LMTK2: variants seen among roughly 807,000 people sequenced by gnomAD.
LMTK2 encodes the protein lemur tail kinase 2, also known as serine/threonine-protein kinase LMTK2.
A neutral mutation model predicts 127.5 loss-of-function variants in LMTK2; 37 were observed. The ratio of observed to expected loss-of-function variants is 0.29; its 90% CI spans 0.22 to 0.38. The LOEUF (loss-of-function observed/expected upper bound fraction) is 0.38. Ranked by LOEUF, LMTK2 falls within the 10% of genes least tolerant of loss-of-function variation. The pLI is 1.00. For synonymous variants in LMTK2, 819 were observed against 810.1 expected, an observed-to-expected ratio of 1.01 and a Z score of -0.19; for missense variants, 1,694 against 1,920.3, an observed-to-expected ratio of 0.88 and a Z score of 2.20.
At chr7:98,123,406 A>C (rs190335934) in intron 1 of LMTK2, among the ~76,000 whole-genome samples, 2 of 152,166 alleles carry the variant, frequency 1.3e-5, no homozygotes, top group East Asian at 3.9e-4. Flanking sequence ...TGAACACATC[A>C]TTAATCCGTC....
rs138579298 is a variant in LMTK2 at position 98,191,404 on chromosome 7, T to C, written c.1149-210T>C. ...CCGTCTGTACTAAAAATACAAAAAT[T>C]AGCTGGGCGCGGCAGCGGGCGCCTG... On this transcript the variant is annotated intron_variant, in intron 10 of 13. Coordinates refer to ENST00000297293, the MANE Select transcript of LMTK2 (RefSeq NM_014916.4). 5.2e-3 allele frequency among the ~76,000 whole-genome samples: 784 copies of C among 152,156 alleles called. 2 individuals carry two copies. The highest frequency in any genetic ancestry group is 8.5e-3 in the Non-Finnish European group (577 of 67,986).
chr7:98,160,981 A>T (rs568203266), intron 6 of LMTK2, among the ~76,000 whole-genome samples: 12 of 152,284 alleles, frequency 7.9e-5, no homozygotes, highest in African/African-American at 2.9e-4. Flanking sequence ...TCTGGTTTAC[A>T]CCTCTTGTAA....
At chr7:98,122,280 G>A (rs567108993) in intron 1 of LMTK2, among the ~76,000 whole-genome samples, 21 of 151,914 alleles carry the variant, frequency 1.4e-4, no homozygotes, top group Admixed American at 7.9e-4. Context: ...ATTGCATGTC[G>A]TGGGGATTTG....
chr7:98,194,095 C>T lies in LMTK2; in HGVS notation c.3630C>T (p.Ser1210=), dbSNP rs1797585747. The T allele has an allele frequency of 1.2e-6, 2 of 1,613,990 alleles. No homozygotes were observed. Among genetic ancestry groups the T allele is most frequent in the African/African-American group, 1.3e-5 (1 of 74,940 alleles). The change falls in exon 11 of 14, where the codon AGC becomes AGT. Residue 1210 remains serine, a synonymous_variant. Coordinates refer to ENST00000297293, the MANE Select transcript of LMTK2 (RefSeq NM_014916.4). This position sits in a 1 kb window ranked among gnomAD's most constrained non-coding sequence, Gnocchi z 5.4. ...SPWSVLNAEL[S]SGDDFETQDD... ...GGAGTGTGCTGAATGCAGAACTTAG[C>T]AGCGGCGATGACTTCGAGACACAGG...
chr7:98,206,730 G>T lies in LMTK2; in HGVS notation c.*1238G>T, dbSNP rs1055856668. On this transcript the variant is annotated 3_prime_UTR_variant, in exon 14 of 14. Transcript: ENST00000297293. ...GAGCTTTAAAAAAACCTCCACAGCC[G>T]AATCTTCTCCTCCGAGCCACTCCAC... 1 of 152,362 alleles carries T rather than the reference G, an allele frequency of 6.6e-6. No homozygotes were observed. Among genetic ancestry groups the T allele is most frequent in the South Asian group, 2.1e-4 (1 of 4,818 alleles). The allele number at this position is 152,362 out of a possible 1,614,324, so 9.4% of individuals were successfully genotyped here.
chr7:98,185,750 C>T (rs1327571014), intron 8 of LMTK2, among the ~76,000 whole-genome samples: 3 of 148,424 alleles, frequency 2.0e-5, no homozygotes, highest in South Asian at 2.1e-4. Flanking sequence ...TTTTTTTAAA[C>T]GGAGTCTTGC....
At chr7:98,152,178 A>T (rs954232863) in intron 4 of LMTK2, among the ~76,000 whole-genome samples, 1 of 152,164 alleles carries the variant, frequency 6.6e-6, no homozygotes, top group African/African-American at 2.4e-5. Flanking sequence ...ATGAACAACT[A>T]GTCTTCTCTC....
At chr7:98,145,050 A>C (rs914366985) in intron 3 of LMTK2, among the ~76,000 whole-genome samples, 6 of 152,168 alleles carry the variant, frequency 3.9e-5, no homozygotes, top group African/African-American at 1.4e-4. Flanking sequence ...CAAAGAGTAC[A>C]TGTGTTTATA....
intron 7 of LMTK2, among the ~76,000 whole-genome samples, chr7:98,174,042 C>G (rs574498553): frequency 2.6e-4 from 38 of 145,692 alleles, no homozygotes; most frequent in Non-Finnish European, 3.7e-4. Context: ...GGTGACAGAG[C>G]GAGATTCTGT....
rs1449881740 is a variant in LMTK2, at chr7:98,137,384, T to C, written c.173T>C (p.Leu58Ser). 10 of 1,613,792 alleles carry C rather than the reference T, an allele frequency of 6.2e-6. No homozygotes were observed. Among genetic ancestry groups the C allele is most frequent in the Middle Eastern group, 1.7e-4 (1 of 6,060 alleles). Residue 58 changes from leucine (L) to serine (S), a missense_variant, in exon 2 of 14, where the codon TTA (leucine) becomes TCA (serine). Around this residue, in one of 8 missense-constraint regions of LMTK2, gnomAD observed 76 missense variants for 82.0 expected, o/e 0.93. Coordinates refer to ENST00000297293, the MANE Select transcript of LMTK2 (RefSeq NM_014916.4). Reference sequence around the variant, plus strand: ...CTGTGTGTGTGCAGTTTAATAATATTAATAGTGTTAATTGCAAACTGTGTA... The same window carrying C: ...CTGTGTGTGTGCAGTTTAATAATATCAATAGTGTTAATTGCAAACTGTGTA... Reference protein sequence around the residue: ...VILCVCSLIILIVLIANCVSC... With the variant: ...VILCVCSLIISIVLIANCVSC...
chr7:98,202,487 G>A (rs1481892555), intron 11 of LMTK2, among the ~76,000 whole-genome samples: 1 of 152,162 alleles, frequency 6.6e-6, no homozygotes, highest in Admixed American at 6.5e-5. Flanking sequence ...AGTAATTTTA[G>A]CTTTTGGATC....
intron 11 of LMTK2, among the ~76,000 whole-genome samples, chr7:98,198,497 C>G (rs1797663509): frequency 6.6e-6 from 1 of 151,904 alleles, no homozygotes; most frequent in African/African-American, 2.4e-5. Context: ...CCTCTTTTCT[C>G]TTTTTTTGAG....
chr7:98,107,323 C>T (rs1796124364), intron 1 of LMTK2, 43 bp downstream of exon 1: 3 of 893,048 alleles, frequency 3.4e-6, no homozygotes, highest in East Asian at 2.7e-4. Flanking sequence ...GGGTCTTCGG[C>T]GTGGAGGGGA....
intron 1 of LMTK2, among the ~76,000 whole-genome samples, chr7:98,130,385 C>G (rs1382932843): frequency 6.6e-6 from 1 of 152,196 alleles, no homozygotes; most frequent in Non-Finnish European, 1.5e-5. Context: ...CCCAGCCACT[C>G]TGTTTCTGTC....
At chr7:98,114,169 G>A (rs1796244610) in intron 1 of LMTK2, among the ~76,000 whole-genome samples, 1 of 151,468 alleles carries the variant, frequency 6.6e-6, no homozygotes, top group Non-Finnish European at 1.5e-5. Flanking sequence ...GGTGGTGGTG[G>A]TAAACCTTCT....
chr7:98,126,861 GTC>G (rs1796452299), intron 1 of LMTK2: 1 of 152,208 alleles, frequency 6.6e-6, no homozygotes, highest in South Asian at 2.1e-4. Context: ...ACTCTTCCCT[GTC>G]TGTGATTAGC....
intron 7 of LMTK2, among the ~76,000 whole-genome samples, chr7:98,177,427 G>A (rs1207389899): frequency 6.6e-6 from 1 of 152,172 alleles, no homozygotes; most frequent in African/African-American, 2.4e-5. Context: ...CATGATTTAT[G>A]GTGGGGAGGC....
At chr7:98,201,664 C>T (rs918400638) in intron 11 of LMTK2, among the ~76,000 whole-genome samples, 7 of 152,116 alleles carry the variant, frequency 4.6e-5, no homozygotes, top group African/African-American at 1.7e-4. Context: ...AGCTGGAGTA[C>T]AGTGGCACGA....
chr7:98,174,515 G>A (rs1797247063), intron 7 of LMTK2, among the ~76,000 whole-genome samples: 1 of 152,188 alleles, frequency 6.6e-6, no homozygotes, highest in African/African-American at 2.4e-5. Context: ...TGGAGCCCAG[G>A]ACTTCCTGTC....
Sources: allele counts gnomAD v4.1 joint callset (sites outside exome capture counted in the v4.1 genomes callset), GRCh38; gene constraint gnomAD v4.1.1; regional missense constraint gnomAD v4.1.1; non-coding constraint Gnocchi (gnomAD v3.1); transcripts MANE v1.5; gene names NCBI Gene and HGNC (gene_info 2026-07-23, HGNC 2026-07-21).